Variants in DRD3 observed in about 807,000 individuals in gnomAD.
The protein encoded by DRD3 is dopamine receptor D3.
A neutral mutation model predicts 36.3 loss-of-function variants in DRD3; 19 were observed. The ratio of observed to expected loss-of-function variants is 0.52; its 90% CI spans 0.36 to 0.77. The LOEUF (loss-of-function observed/expected upper bound fraction) is 0.77. Among genes scored for constraint, DRD3 ranks in the 30% least tolerant of loss-of-function variants. DRD3 has a pLI of 0.00. For missense variants in DRD3, 465 were observed against 505.3 expected (o/e 0.92, Z 0.77); for synonymous variants, 195 against 203.7 (o/e 0.96, Z 0.36).
In DRD3 at chr3:114,178,785, T is replaced by G. The variant is rs1454179433; in HGVS notation, c.-164A>C. ...TTCTCAGGACTCAGAAACTATGAAA[T>G]GAACAGAAAGAAATCACCCATTTTT... On this transcript the variant is annotated 5_prime_UTR_variant, in exon 1 of 7. Coordinates refer to ENST00000383673, the MANE Select transcript of DRD3 (RefSeq NM_000796.6). 1 of 152,164 alleles carries G rather than the reference T, an allele frequency of 6.6e-6. No individual in the cohort carries two copies. 9.4% of individuals were successfully genotyped at this position (152,164 alleles called of 1,614,324 possible).
At position 114,128,859 on chromosome 3, in the gene DRD3, G is replaced by A. The variant is rs1442326640; in HGVS notation, c.1060C>T (p.His354Tyr). 6.2e-7 allele frequency: 1 copy of A among 1,613,440 alleles called. No individual in the cohort carries two copies. Among genetic ancestry groups the A allele is most frequent in the Non-Finnish European group, 8.5e-7 (1 of 1,179,722 alleles). The change falls in exon 7 of 7, where the codon CAC becomes TAC. Residue 354 changes from histidine to tyrosine, a missense_variant. By Grantham distance (83) the His-to-Tyr change is moderately conservative. Coordinates refer to ENST00000383673, the MANE Select transcript of DRD3 (RefSeq NM_000796.6). ...PFFLTHVLNT[H>Y]CQTCHVSPEL... ...GGGGACACGTGGCATGTCTGGCAGT[G>A]GGTATTGAGAACATGGGTCAAGAAG...
chr3:114,196,639 C>G (rs1203420742), intron 1 of DRD3, among the ~76,000 whole-genome samples: 1 of 152,212 alleles, frequency 6.6e-6, no homozygotes, highest in Non-Finnish European at 1.5e-5. Context: ...CCTTACTGAA[C>G]CTTGTATGGC....
rs758526401 is a variant in DRD3, at chr3:114,147,388, T to A, written c.526+27A>T. On this transcript the variant is annotated intron_variant, in intron 4 of 6. Transcript: ENST00000383673. ...TCAGCTGTGCTGTGAATCACATGGA[T>A]GCTAGAAATGAAGCCATCACTGTTA... 4 of 1,604,246 alleles carry A rather than the reference T, an allele frequency of 2.5e-6. No individual in the cohort carries two copies. The South Asian group carries it at 4.4e-5, about 18-fold the overall frequency.
At chr3:114,183,625 T>A (rs2077959609), upstream of DRD3, among the ~76,000 whole-genome samples, 2 of 152,162 alleles carry the variant, frequency 1.3e-5, no homozygotes, top group Admixed American at 6.5e-5. Flanking sequence ...CATGTTAATG[T>A]TTAAAATTGC....
chr3:114,196,242 G>A (rs2078035162), intron 1 of DRD3, among the ~76,000 whole-genome samples: 1 of 152,140 alleles, frequency 6.6e-6, no homozygotes, highest in South Asian at 2.1e-4. Flanking sequence ...TACAAATAAA[G>A]CAGCTATGAA....
rs2077851893 is a variant in DRD3, at chr3:114,172,129, C to T, written c.-35-102G>A. ...ATTGCATCAGCAAATATTTATTGAGCATTTTCTATATAGTAGGCACTGTTG... is the reference window on the plus strand; with the variant it reads ...ATTGCATCAGCAAATATTTATTGAGTATTTTCTATATAGTAGGCACTGTTG... On this transcript the variant is annotated intron_variant, in intron 1 of 6. Coordinates refer to ENST00000383673, the MANE Select transcript of DRD3 (RefSeq NM_000796.6). 5 of 955,382 alleles carry T rather than the reference C, an allele frequency of 5.2e-6. No homozygotes were observed. In the South Asian group the frequency reaches 1.4e-4, roughly 26 times the overall value. 59.2% of individuals were successfully genotyped at this position (955,382 alleles called of 1,614,324 possible). A position where few individuals can be genotyped will look rare whatever the true frequency, so the allele number is the denominator to read the frequency against.
intron 1 of DRD3, among the ~76,000 whole-genome samples, chr3:114,177,964 T>G (rs1169378815): frequency 6.6e-6 from 1 of 152,224 alleles, no homozygotes; most frequent in Non-Finnish European, 1.5e-5. Context: ...ACTTTGCTAT[T>G]GCTGCATTAT....
chr3:114,139,488 CA>C lies in DRD3; in HGVS notation c.723+11del. The C allele has an allele frequency of 1.2e-6, 2 of 1,610,690 alleles. No individual in the cohort carries two copies. Among genetic ancestry groups the C allele is most frequent in the Non-Finnish European group, 1.7e-6 (2 of 1,178,416 alleles). ...GGTGTTGTCTTCCCTCTACCCCCTC[CA>C]GGGTACTTACTTGCTGGGGGAAGCC... On this transcript the variant is annotated intron_variant, in intron 5 of 6. Coordinates refer to ENST00000383673, the MANE Select transcript of DRD3 (RefSeq NM_000796.6).
intron 5 of DRD3, among the ~76,000 whole-genome samples, chr3:114,132,726 C>A (rs1033479525): frequency 6.6e-6 from 1 of 152,064 alleles, no homozygotes; most frequent in African/African-American, 2.4e-5. Flanking sequence ...ATGACATAAG[C>A]CCCGAAATGT....
intron 1 of DRD3, among the ~76,000 whole-genome samples, chr3:114,174,086 G>T (rs149674751): frequency 7.4e-4 from 113 of 152,236 alleles, no homozygotes; most frequent in African/African-American, 2.6e-3. Flanking sequence ...CACACTGTTT[G>T]CACTCAATGT....
rs1559992771 is a variant in DRD3, at chr3:114,159,840, G to A, written c.298C>T (p.Arg100Cys). Residue 100 changes from arginine (R) to cysteine (C), a missense_variant, in exon 3 of 7, where the codon CGC becomes TGC. Arg to Cys is a radical substitution (Grantham distance 180). Transcript: ENST00000383673. ...GTGACAAAAACATCACAGCAAATGC[G>A]GCTGAAATTCCAGACTCCACCTGTC... ...EVTGGVWNFS[R>C]ICCDVFVTLD... 4 of 1,614,038 alleles carry A rather than the reference G, an allele frequency of 2.5e-6. No individual in the cohort carries two copies. Among genetic ancestry groups the A allele is most frequent in the Non-Finnish European group, 2.5e-6 (3 of 1,179,970 alleles).
At chr3:114,160,611 C>T (rs2077724089) in intron 2 of DRD3, among the ~76,000 whole-genome samples, 1 of 152,150 alleles carries the variant, frequency 6.6e-6, no homozygotes, top group Admixed American at 6.5e-5. Flanking sequence ...AGTCCTTCAC[C>T]CAGTAGAGAG....
At chr3:114,130,574 A>G (rs561685114) in intron 6 of DRD3, among the ~76,000 whole-genome samples, 3 of 151,828 alleles carry the variant, frequency 2.0e-5, no homozygotes, top group South Asian at 2.1e-4. Context: ...ACAGGCGCCC[A>G]CCACCACGCC....
At position 114,170,696 on chromosome 3, in the gene DRD3, A is replaced by G. The variant is rs537328472; in HGVS notation, c.270+1027T>C. On this transcript the variant is annotated intron_variant, in intron 2 of 6. Coordinates refer to ENST00000383673, the MANE Select transcript of DRD3 (RefSeq NM_000796.6). ...TATTAGCACAGGCAGTCTATGTACA[A>G]GGTTTTTGCTCTCCCGTGATATGTC... Among the ~76,000 whole-genome samples the G allele has an allele frequency of 3.9e-5, 6 of 152,238 alleles. No homozygotes were observed. In the East Asian group the frequency reaches 1.2e-3, roughly 29 times the overall value.
Position 114,139,512 on chromosome 3 carries a change from G to A in DRD3, c.711C>T (p.Gly237=), listed in dbSNP as rs1318584142. The A allele has an allele frequency of 4.3e-6, 7 of 1,613,406 alleles. No homozygotes were observed. The highest frequency in any genetic ancestry group is 5.9e-6 in the Non-Finnish European group (7 of 1,179,840). Residue 237 remains glycine (G), a synonymous_variant, in exon 5 of 7, where the codon GGC becomes GGT. Coordinates refer to ENST00000383673, the MANE Select transcript of DRD3 (RefSeq NM_000796.6). ...QNSQCNSVRP[G]FPQQTLSPDP... ...CCAGGGTACTTACTTGCTGGGGGAAGCCAGGCCTGACACTGTTGCACTGAC... is the reference window on the plus strand; with the variant it reads ...CCAGGGTACTTACTTGCTGGGGGAAACCAGGCCTGACACTGTTGCACTGAC...
intron 3 of DRD3, among the ~76,000 whole-genome samples, chr3:114,155,416 T>A (rs562097948): frequency 6.6e-6 from 1 of 152,234 alleles, no homozygotes; most frequent in African/African-American, 2.4e-5. Context: ...TCCCTTCAGG[T>A]AGGTAAGTGC....
intron 2 of DRD3, among the ~76,000 whole-genome samples, chr3:114,171,339 C>T (rs963965181): frequency 6.6e-6 from 1 of 152,062 alleles, no homozygotes; most frequent in Non-Finnish European, 1.5e-5. Context: ...TCCTGCACAC[C>T]CTCACCCTCA....
chr3:114,156,933 CTT>C (rs2077685860), intron 3 of DRD3, among the ~76,000 whole-genome samples: 1 of 128,552 alleles, frequency 7.8e-6, no homozygotes, highest in Non-Finnish European at 1.6e-5. Context: ...CCTTCCTTCT[CTT>C]TCTTTCTTTC....
intron 1 of DRD3, among the ~76,000 whole-genome samples, chr3:114,196,712 G>A (rs553658185): frequency 4.6e-5 from 7 of 152,242 alleles, no homozygotes; most frequent in East Asian, 1.9e-4. Flanking sequence ...TTTAACTTGC[G>A]TTTCTCTAAT....
Sources: allele counts gnomAD v4.1 joint callset (sites outside exome capture counted in the v4.1 genomes callset), GRCh38; gene constraint gnomAD v4.1.1; transcripts MANE v1.5; gene names NCBI Gene and HGNC (gene_info 2026-07-23, HGNC 2026-07-21).